CD72: variants seen among roughly 807,000 people sequenced by gnomAD.
CD72 encodes CD72 molecule.
CD72 carries 28 observed loss-of-function variants against 50.7 expected under a neutral mutation model. The ratio of observed to expected loss-of-function variants is 0.55; its 90% CI spans 0.41 to 0.76. The LOEUF (loss-of-function observed/expected upper bound fraction) is 0.76, where lower values mean the gene tolerates loss of function less well. Ranked by LOEUF, CD72 falls within the 30% of genes least tolerant of loss-of-function variation. CD72 has a pLI of 0.00. For missense variants in CD72, 403 were observed against 420.6 expected, an observed-to-expected ratio of 0.96 and a Z score of 0.37; for synonymous variants, 176 against 171.2, an observed-to-expected ratio of 1.03 and a Z score of -0.22.
intron 1 of CD72, among the ~76,000 whole-genome samples, chr9:35,645,568 C>G (rs1288300454): frequency 6.7e-6 from 1 of 148,508 alleles, no homozygotes; most frequent in Non-Finnish European, 1.5e-5. Context: ...GGCAACAGAA[C>G]AAGACTCCGT....
In CD72 at chr9:35,610,204, C is replaced by T. The variant is rs540504888; in HGVS notation, c.*119G>A. 3 of 195,454 alleles carry T rather than the reference C, an allele frequency of 1.5e-5. No individual in the cohort carries two copies. Among genetic ancestry groups the T allele is most frequent in the East Asian group, 2.8e-4 (2 of 7,052 alleles). The allele number at this position is 195,454 out of a possible 1,614,324, so 12.1% of individuals were successfully genotyped here. On this transcript the variant is annotated 3_prime_UTR_variant, in exon 9 of 9. Transcript: ENST00000259633. Reference sequence around the variant, plus strand: ...CTGGAAGTGTCAGGTGTGGGTCAGCCGGTGGCTGGGCACTGCCCAGAATGA... The same window carrying T: ...CTGGAAGTGTCAGGTGTGGGTCAGCTGGTGGCTGGGCACTGCCCAGAATGA...
At position 35,612,969 on chromosome 9, in the gene CD72, A is replaced by T. The variant is rs1403649168; in HGVS notation, c.713T>A (p.Ile238Lys). The change falls in exon 6 of 9, where the codon ATA (isoleucine) becomes AAA (lysine). Residue 238 changes from isoleucine to lysine, a missense_variant. Ile to Lys is a moderately radical substitution (Grantham distance 102, BLOSUM62 -3). Coordinates refer to ENST00000259633, the MANE Select transcript of CD72 (RefSeq NM_001782.3). ...GTAAAAGCAGCTTTTCTGATGCATT[A>T]TCCATCCCGACGGACAGCAGGTGTC... ...SADTCCPSGWIMHQKSCFYIS... is the reference protein window; with the variant it reads ...SADTCCPSGWKMHQKSCFYIS... The T allele has an allele frequency of 6.2e-7, 1 of 1,613,324 alleles. No homozygotes were observed. The highest frequency in any genetic ancestry group is 8.5e-7 in the Non-Finnish European group (1 of 1,179,406).
chr9:35,612,584 CA>C (rs71506195), intron 6 of CD72, among the ~76,000 whole-genome samples: 2,391 of 134,812 alleles, frequency 0.018, 27 homozygotes, highest in Non-Finnish European at 0.026. Flanking sequence ...GACTCTGTCT[CA>C]AAAAAAAAAA....
chr9:35,617,291 T>A, intron 2 of CD72, 44 bp from the exon 3 acceptor site: 2 of 1,510,758 alleles, frequency 1.3e-6, no homozygotes, highest in Non-Finnish European at 1.8e-6. Context: ...GCCCCGAGTG[T>A]TGCCCCTTCT....
intron 5 of CD72, 61 bp from the exon 6 acceptor site, chr9:35,613,054 T>A: frequency 7.1e-7 from 1 of 1,407,810 alleles, no homozygotes; most frequent in Non-Finnish European, 9.8e-7. Context: ...TACTCAGCAA[T>A]CTTTTGCTAA....
chr9:35,618,217 C>A lies in CD72; in HGVS notation c.82+5G>T. 6.2e-7 allele frequency: 1 copy of A among 1,613,776 alleles called. No homozygotes were observed. The highest frequency in any genetic ancestry group is 2.2e-5 in the East Asian group (1 of 44,882). ...AGGATCAAGGGGAGGCCTCATCCCC[C>A]TTACCCTGTCCTAACCGGCTGGAGA... is the stretch of plus-strand genomic sequence containing the variant. On this transcript the variant is annotated splice_donor_5th_base_variant and intron_variant, in intron 1 of 8. Transcript: ENST00000259633.
rs774527251 is a variant in CD72, at chr9:35,610,582, G to T, written c.*22+20C>A. On this transcript the variant is annotated intron_variant, in intron 8 of 8. Coordinates refer to ENST00000259633, the MANE Select transcript of CD72 (RefSeq NM_001782.3). ...CTGCCCCTGGACTCCCCATGCCTCA[G>T]CCCCATCCCTCACTCTTACCAACTC... is the stretch of plus-strand genomic sequence containing the variant. 1.9e-6 allele frequency: 3 copies of T among 1,599,178 alleles called. No homozygotes were observed. In the South Asian group the frequency reaches 3.3e-5, roughly 18 times the overall value.
At chr9:35,645,147 C>T (rs965835677) in intron 1 of CD72, among the ~76,000 whole-genome samples, 7 of 147,292 alleles carry the variant, frequency 4.8e-5, no homozygotes, top group East Asian at 2.0e-4. Flanking sequence ...TGCAGTGAGC[C>T]GAGATCTCGC....
chr9:35,613,081 C>G (rs889557856), intron 5 of CD72, 88 bp from the exon 6 acceptor site: 3 of 1,106,240 alleles, frequency 2.7e-6, no homozygotes, highest in African/African-American at 3.1e-5. Context: ...TCCCCCAGAG[C>G]TAATCTCAGC....
intron 1 of CD72, among the ~76,000 whole-genome samples, chr9:35,625,941 A>G (rs907342913): frequency 6.6e-6 from 1 of 152,148 alleles, no homozygotes; most frequent in African/African-American, 2.4e-5. Context: ...CTCATTGGCA[A>G]TGTGCCTAGT....
chr9:35,619,718 C>T (rs1823126534), upstream of CD72, among the ~76,000 whole-genome samples: 1 of 152,214 alleles, frequency 6.6e-6, no homozygotes, highest in South Asian at 2.1e-4. Flanking sequence ...TCTGTTAGGG[C>T]ATCTGTGAGG....
intron 1 of CD72, among the ~76,000 whole-genome samples, chr9:35,635,041 T>C (rs1225431766): frequency 6.6e-6 from 1 of 152,194 alleles, no homozygotes; most frequent in Non-Finnish European, 1.5e-5. Flanking sequence ...CTTGGCTGGG[T>C]ATAGGTTGCA....
chr9:35,616,989 G>T (rs529290300), intron 3 of CD72, 187 bp downstream of exon 3: 16 of 1,444,120 alleles, frequency 1.1e-5, no homozygotes, highest in Middle Eastern at 2.5e-4. Context: ...CCATCCGCAG[G>T]GGGGCGGTGC....
At chr9:35,637,848 T>G (rs1823304896) in intron 1 of CD72, among the ~76,000 whole-genome samples, 1 of 152,058 alleles carries the variant, frequency 6.6e-6, no homozygotes, top group Non-Finnish European at 1.5e-5. Flanking sequence ...CCAGGGCTGC[T>G]CATCACCCCC....
In CD72 at chr9:35,610,517, G is replaced by A. The variant is rs113263409; in HGVS notation, c.*22+85C>T. Reference sequence around the variant, plus strand: ...ATCCCAGGTACAAGTTTTCTCTCGGGCCCCTGGGCCCCTGCTCTGAGTCCC... The same window carrying A: ...ATCCCAGGTACAAGTTTTCTCTCGGACCCCTGGGCCCCTGCTCTGAGTCCC... On this transcript the variant is annotated intron_variant, in intron 8 of 8. Coordinates refer to ENST00000259633, the MANE Select transcript of CD72 (RefSeq NM_001782.3). 1.9e-3 allele frequency: 2,079 copies of A among 1,081,848 alleles called. 25 individuals carry two copies. In the African/African-American group the frequency reaches 0.031, roughly 16 times the overall value. 67.0% of individuals were successfully genotyped at this position (1,081,848 alleles called of 1,614,324 possible). A position where few individuals can be genotyped will look rare whatever the true frequency, so the allele number is the denominator to read the frequency against.
chr9:35,623,102 C>T (rs1416235604), upstream of CD72, among the ~76,000 whole-genome samples: 1 of 151,816 alleles, frequency 6.6e-6, no homozygotes, highest in African/African-American at 2.4e-5. Context: ...GAAACCCTCC[C>T]TCAAAAAATA....
upstream of CD72, among the ~76,000 whole-genome samples, chr9:35,621,176 G>A (rs1321400427): frequency 6.6e-6 from 1 of 152,234 alleles, no homozygotes; most frequent in East Asian, 1.9e-4. Context: ...TGAGGGGTCA[G>A]TGCTGTACAT....
At chr9:35,631,384 G>C (rs573905603) in intron 1 of CD72, among the ~76,000 whole-genome samples, 1 of 152,242 alleles carries the variant, frequency 6.6e-6, no homozygotes, top group South Asian at 2.1e-4. Flanking sequence ...AGGCATTTCT[G>C]TCTAAATTTT....
intron 1 of CD72, among the ~76,000 whole-genome samples, chr9:35,628,514 G>C (rs1336827034): frequency 1.3e-5 from 2 of 152,248 alleles, no homozygotes; most frequent in African/African-American, 4.8e-5. Flanking sequence ...CAAGACATAA[G>C]TGGATCTGAG....
Sources: allele counts gnomAD v4.1 joint callset (sites outside exome capture counted in the v4.1 genomes callset), GRCh38; gene constraint gnomAD v4.1.1; transcripts MANE v1.5; gene names NCBI Gene and HGNC (gene_info 2026-07-23, HGNC 2026-07-21).